Variants in DAB1 observed in about 807,000 individuals in gnomAD.
DAB1 encodes disabled homolog 1.
In DAB1, 15 loss-of-function variants were observed where a neutral mutation model predicts 64.6. The ratio of observed to expected loss-of-function variants is 0.23; its 90% CI spans 0.16 to 0.36. The LOEUF (loss-of-function observed/expected upper bound fraction) is 0.36. Ranked by LOEUF, DAB1 falls within the 10% of genes least tolerant of loss-of-function variation. The pLI is 1.00. For missense variants in DAB1, 596 were observed against 706.7 expected (o/e 0.84, Z 1.78); for synonymous variants, 235 against 251.9 (o/e 0.93, Z 0.64).
At chr1:58,533,098 G>C (rs747758503) in intron 1 of DAB1, among the ~76,000 whole-genome samples, 5 of 152,166 alleles carry the variant, frequency 3.3e-5, no homozygotes, top group Non-Finnish European at 1.5e-5. Context: ...AGACAAAAGA[G>C]CCATTTATAT....
chr1:57,301,783 C>T (rs145865712), intron 1 of DAB1, among the ~76,000 whole-genome samples: 133 of 152,292 alleles, frequency 8.7e-4, no homozygotes, highest in African/African-American at 3.1e-3. Context: ...TTCACGAGTG[C>T]CCTGGGCAGG....
intron 3 of DAB1, among the ~76,000 whole-genome samples, chr1:58,464,965 GA>G (rs1414099849): frequency 6.6e-6 from 1 of 152,218 alleles, no homozygotes; most frequent in Admixed American, 6.5e-5. Context: ...TGCTAAGGCA[GA>G]AACAGACTCA....
intron 5 of DAB1, among the ~76,000 whole-genome samples, chr1:58,025,374 T>C (rs1253600898): frequency 1.3e-5 from 2 of 151,898 alleles, no homozygotes; most frequent in Non-Finnish European, 2.9e-5. Flanking sequence ...TTAACAGGGT[T>C]CCTAGTAATT....
chr1:57,804,257 T>C (rs986135711), intron 6 of DAB1, among the ~76,000 whole-genome samples: 3 of 152,228 alleles, frequency 2.0e-5, no homozygotes, highest in African/African-American at 4.8e-5. Flanking sequence ...ACCGTTTTCT[T>C]AGGATCACAA....
At chr1:57,290,408 C>T (rs1253704614) in intron 2 of DAB1, among the ~76,000 whole-genome samples, 1 of 152,124 alleles carries the variant, frequency 6.6e-6, no homozygotes, top group African/African-American at 2.4e-5. Context: ...CTGAATCTGA[C>T]ACTTTGAGAT....
intron 4 of DAB1, among the ~76,000 whole-genome samples, chr1:58,245,848 C>T (rs1570535010): frequency 6.6e-6 from 1 of 152,122 alleles, no homozygotes; most frequent in African/African-American, 2.4e-5. Context: ...ATAAACAGAA[C>T]AAGTTTCTGT....
intron 5 of DAB1, among the ~76,000 whole-genome samples, chr1:58,002,192 A>T (rs1646516509): frequency 6.6e-6 from 1 of 152,188 alleles, no homozygotes; most frequent in Non-Finnish European, 1.5e-5. Flanking sequence ...CAGGCAACTG[A>T]TACACTGATC....
chr1:57,323,346 C>T (rs1485929028), intron 1 of DAB1, among the ~76,000 whole-genome samples: 1 of 152,066 alleles, frequency 6.6e-6, no homozygotes, highest in East Asian at 1.9e-4. Flanking sequence ...CAGGTGGTGA[C>T]TTTATTGAGT....
chr1:57,187,102 A>AAC (rs1189164669), intron 2 of DAB1, among the ~76,000 whole-genome samples: 7 of 152,218 alleles, frequency 4.6e-5, no homozygotes, highest in Non-Finnish European at 8.8e-5. Flanking sequence ...AAAATTCTAA[A>AAC]ACACACACAT....
At chr1:57,256,032 G>A (rs975780001) in intron 2 of DAB1, among the ~76,000 whole-genome samples, 1 of 152,166 alleles carries the variant, frequency 6.6e-6, no homozygotes, top group African/African-American at 2.4e-5. Flanking sequence ...ACCGACATGT[G>A]TGTTATCCTG....
At chr1:57,104,239 C>A (rs1654942364) in intron 4 of DAB1, among the ~76,000 whole-genome samples, 2 of 152,106 alleles carry the variant, frequency 1.3e-5, no homozygotes, top group South Asian at 2.1e-4. Flanking sequence ...ATTAATCCTG[C>A]CTCACTGAAC....
downstream of DAB1, among the ~76,000 whole-genome samples, chr1:57,822,982 AAT>A (rs1491108772): frequency 5.9e-5 from 7 of 117,954 alleles, no homozygotes; most frequent in African/African-American, 1.8e-4. Flanking sequence ...ATAATTTAGG[AAT>A]TTTTTTTTTT....
At chr1:57,780,706 C>T (rs1476736347) in intron 6 of DAB1, among the ~76,000 whole-genome samples, 1 of 151,470 alleles carries the variant, frequency 6.6e-6, no homozygotes, top group Non-Finnish European at 1.5e-5. Flanking sequence ...TCCTTCCTTC[C>T]TTCTTTCTTT....
At chr1:58,206,731 C>T (rs1006504480) in intron 4 of DAB1, among the ~76,000 whole-genome samples, 1 of 152,186 alleles carries the variant, frequency 6.6e-6, no homozygotes, top group African/African-American at 2.4e-5. Context: ...TGAGTTTAAG[C>T]TTTTATTGAG....
intron 5 of DAB1, among the ~76,000 whole-genome samples, chr1:58,025,519 T>C (rs1032240365): frequency 1.3e-5 from 2 of 150,704 alleles, no homozygotes; most frequent in East Asian, 1.9e-4. Context: ...TTGTCTCCTA[T>C]TAAATGTAGA....
At chr1:57,066,601 T>C (rs1650938696) in intron 8 of DAB1, among the ~76,000 whole-genome samples, 1 of 152,218 alleles carries the variant, frequency 6.6e-6, no homozygotes, top group Admixed American at 6.5e-5. Flanking sequence ...TGAGGATTTC[T>C]GCTAGGCTCT....
Position 57,298,708 on chromosome 1 carries a change from A to G in DAB1, c.-136-7542T>C, listed in dbSNP as rs1673397000. Among the ~76,000 whole-genome samples, 4 of 152,190 alleles carry G rather than the reference A, an allele frequency of 2.6e-5. No homozygotes were observed. The South Asian group carries it at 8.3e-4, about 32-fold the overall frequency. On this transcript the variant is annotated intron_variant, in intron 1 of 14. Coordinates refer to ENST00000371236, the MANE Select transcript of DAB1 (RefSeq NM_001365792.1). ...AAAGCCATTTTCCATAATAGGATAA[A>G]CTAAATAAACAAGAAAGTTGGAGCA...
intron 11 of DAB1, among the ~76,000 whole-genome samples, chr1:57,016,019 A>G (rs2100333361): frequency 6.6e-6 from 1 of 152,266 alleles, no homozygotes; most frequent in African/African-American, 2.4e-5. Flanking sequence ...GGGCTCCATG[A>G]CTTTATTTGT....
chr1:58,265,809 T>C (rs1246165281), intron 4 of DAB1, among the ~76,000 whole-genome samples: 1 of 152,212 alleles, frequency 6.6e-6, no homozygotes, highest in Non-Finnish European at 1.5e-5. Context: ...ACACAGATTG[T>C]GATCCTACTG....
Sources: gnomAD v4.1 joint callset for allele counts (sites outside exome capture counted in the v4.1 genomes callset) on GRCh38, gnomAD v4.1.1 for gene constraint, MANE v1.5 for transcripts, NCBI Gene and HGNC (gene_info 2026-07-23, HGNC 2026-07-21) for gene names.